The following TPH2 variants were observed in gnomAD, a reference collection of about 807,000 sequenced individuals.
TPH2 encodes the protein tryptophan hydroxylase 2.
TPH2 carries 27 observed loss-of-function variants against 59.1 expected under a neutral mutation model. That is an observed-to-expected ratio of 0.46 (90% CI 0.34 to 0.63). The LOEUF (loss-of-function observed/expected upper bound fraction) is 0.63, where lower values mean the gene tolerates loss of function less well. TPH2 is among the 30% of genes least tolerant of loss of function. The pLI is 0.01. For synonymous variants in TPH2, 220 were observed against 210.5 expected (o/e 1.05, Z -0.39); for missense variants, 523 against 588.3 (o/e 0.89, Z 1.15).
rs951644912 is a variant in TPH2 at position 72,029,677 on chromosome 12, A to C, written c.1165-1581A>C. 4.6e-5 allele frequency among the ~76,000 whole-genome samples: 7 copies of C among 152,012 alleles called. No individual in the cohort carries two copies. In the East Asian group the frequency reaches 1.2e-3, roughly 25 times the overall value. On this transcript the variant is annotated intron_variant, in intron 9 of 10. Coordinates refer to ENST00000333850, the MANE Select transcript of TPH2 (RefSeq NM_173353.4). ...TTATAATGAAGTTGTTCTGTGGGCC[A>C]AAAAAAATGAGTTCACGCTGAGAGG...
At chr12:71,992,789 C>T (rs1872609980) in intron 7 of TPH2, among the ~76,000 whole-genome samples, 1 of 152,178 alleles carries the variant, frequency 6.6e-6, no homozygotes, top group Non-Finnish European at 1.5e-5. Context: ...AAACATTTAG[C>T]ACAGTACCTA....
At chr12:71,981,597 C>A (rs561425086) in intron 7 of TPH2, among the ~76,000 whole-genome samples, 3 of 152,190 alleles carry the variant, frequency 2.0e-5, no homozygotes, top group Non-Finnish European at 2.9e-5. Flanking sequence ...CCAGTGACTA[C>A]AATAGGGGTG....
At chr12:71,970,790 T>G (rs1395787827) in intron 5 of TPH2, among the ~76,000 whole-genome samples, 4 of 152,278 alleles carry the variant, frequency 2.6e-5, no homozygotes, top group African/African-American at 7.2e-5. Flanking sequence ...AATTTTTTAT[T>G]TGTTATCAAC....
chr12:72,011,559 C>T (rs1210392279), intron 8 of TPH2, among the ~76,000 whole-genome samples: 1 of 152,224 alleles, frequency 6.6e-6, no homozygotes, highest in Non-Finnish European at 1.5e-5. Context: ...GAGCTTGGAT[C>T]TGTTACAAAC....
At chr12:71,940,704 C>T (rs116442101) in intron 1 of TPH2, among the ~76,000 whole-genome samples, 239 of 152,182 alleles carry the variant, frequency 1.6e-3, no homozygotes, top group African/African-American at 5.4e-3. Flanking sequence ...AAGTTTCCAG[C>T]TTTTTATTCT....
At chr12:72,009,829 A>G (rs1275485442) in intron 8 of TPH2, among the ~76,000 whole-genome samples, 1 of 152,206 alleles carries the variant, frequency 6.6e-6, no homozygotes, top group Non-Finnish European at 1.5e-5. Flanking sequence ...CGATGTAAAC[A>G]TCAATTCTGG....
intron 7 of TPH2, among the ~76,000 whole-genome samples, chr12:71,990,552 A>G (rs1872557576): frequency 6.6e-6 from 1 of 152,256 alleles, no homozygotes. Flanking sequence ...AATTGCTTTT[A>G]TTAGTAATGT....
rs113591706 is a variant in TPH2, at chr12:71,972,719, A to G, written c.805+4A>G. 6.2e-7 allele frequency: 1 copy of G among 1,613,334 alleles called. No homozygotes were observed. The highest frequency in any genetic ancestry group is 1.3e-5 in the African/African-American group (1 of 75,050). ...GATGTCTCCATGTTTCTGAAAGGTA[A>G]GATTTCACACAGGCTGTCTCTTATT... On this transcript the variant is annotated splice_donor_region_variant and intron_variant, in intron 6 of 10. Transcript: ENST00000333850.
chr12:71,999,807 C>A (rs1017065634), intron 8 of TPH2, among the ~76,000 whole-genome samples: 3 of 152,198 alleles, frequency 2.0e-5, no homozygotes, highest in Non-Finnish European at 2.9e-5. Flanking sequence ...ACAAGGCTCT[C>A]AATTCTCTGT....
intron 6 of TPH2, among the ~76,000 whole-genome samples, chr12:71,975,377 T>C (rs1406920732): frequency 6.6e-6 from 1 of 152,000 alleles, no homozygotes; most frequent in Non-Finnish European, 1.5e-5. Flanking sequence ...AACAAAACTA[T>C]TCTCACTGTT....
chr12:72,030,262 C>T (rs1365757655), intron 9 of TPH2, among the ~76,000 whole-genome samples: 1 of 152,138 alleles, frequency 6.6e-6, no homozygotes, highest in Admixed American at 6.6e-5. Context: ...TTCACAACCA[C>T]TTATATTGGA....
chr12:72,004,111 A>G (rs1219426402), intron 8 of TPH2, among the ~76,000 whole-genome samples: 1 of 150,956 alleles, frequency 6.6e-6, no homozygotes, highest in Non-Finnish European at 1.5e-5. Flanking sequence ...TGAAGATGCT[A>G]TTCGGGATGT....
intron 8 of TPH2, among the ~76,000 whole-genome samples, chr12:72,004,135 T>C (rs1872892936): frequency 6.9e-6 from 1 of 144,028 alleles, no homozygotes; most frequent in South Asian, 2.6e-4. Flanking sequence ...ATGTACAGTA[T>C]GTGGTGTGGT....
At chr12:71,994,722 G>A (rs1201840807) in intron 8 of TPH2, among the ~76,000 whole-genome samples, 157 bp downstream of exon 8, 2 of 152,166 alleles carry the variant, frequency 1.3e-5, no homozygotes, top group African/African-American at 4.8e-5. Flanking sequence ...AGCACAATGA[G>A]TTATCAGCTT....
In TPH2 at chr12:71,967,056, C is replaced by T. The variant is rs556107939; in HGVS notation, c.609-5463C>T. ...AATGAAATCATTGTTGCTTATTCAT[C>T]TGGCTGTAGAAAGAACTTCCAAAAT... On this transcript the variant is annotated intron_variant, in intron 5 of 10. Coordinates refer to ENST00000333850, the MANE Select transcript of TPH2 (RefSeq NM_173353.4). Among the ~76,000 whole-genome samples the T allele has an allele frequency of 5.3e-5, 8 of 152,314 alleles. No homozygotes were observed. The East Asian group carries it at 1.5e-3, about 29-fold the overall frequency.
intron 7 of TPH2, among the ~76,000 whole-genome samples, chr12:71,980,207 T>A (rs757040344): frequency 1.5e-4 from 23 of 152,170 alleles, no homozygotes; most frequent in Non-Finnish European, 2.6e-4. Flanking sequence ...AGCTCTGGGT[T>A]CTTTTGCCTT....
chr12:71,980,750 C>T (rs6582073), intron 7 of TPH2, among the ~76,000 whole-genome samples: 88,232 of 151,744 alleles, frequency 0.58, 25,894 homozygotes, highest in African/African-American at 0.61. Context: ...AGACCTGTGA[C>T]AGCGTGCCAA....
Position 71,974,575 on chromosome 12 carries a change from T to G in TPH2, c.805+1860T>G, listed in dbSNP as rs561554899. ...GCCCCACCCGAATTATCTAGGACAG[T>G]CTCTCCATCTCAAGATCCTTAAGTT... On this transcript the variant is annotated intron_variant, in intron 6 of 10. Transcript: ENST00000333850. Among the ~76,000 whole-genome samples, 5 of 152,332 alleles carry G rather than the reference T, an allele frequency of 3.3e-5. No individual in the cohort carries two copies. In the South Asian group the frequency reaches 1.0e-3, roughly 32 times the overall value.
chr12:71,992,084 G>T (rs1872588965), intron 7 of TPH2, among the ~76,000 whole-genome samples: 1 of 152,210 alleles, frequency 6.6e-6, no homozygotes, highest in Non-Finnish European at 1.5e-5. Context: ...GATTTGGAAA[G>T]TTGAGAAGCA....
Sources: gnomAD v4.1 joint callset for allele counts (sites outside exome capture counted in the v4.1 genomes callset) on GRCh38, gnomAD v4.1.1 for gene constraint, MANE v1.5 for transcripts, NCBI Gene and HGNC (gene_info 2026-07-23, HGNC 2026-07-21) for gene names.